The following PCDH15 variants were observed in gnomAD, a reference collection of about 807,000 sequenced individuals.
PCDH15 encodes protocadherin related 15, also known as protocadherin-15.
Under a neutral mutation model 178.5 loss-of-function variants are expected in PCDH15, and 129 were observed. That is an observed-to-expected ratio of 0.72 (90% CI 0.63 to 0.84). The LOEUF (loss-of-function observed/expected upper bound fraction) is 0.84. PCDH15 is among the 40% of genes least tolerant of loss of function. PCDH15 has a pLI of 0.00. For missense variants in PCDH15, 2,230 were observed against 2,099.9 expected (o/e 1.06, Z -1.21); for synonymous variants, 800 against 732.0 (o/e 1.09, Z -1.50).
Position 54,783,265 on chromosome 10 carries a change from A to G in PCDH15, c.-29+17660T>C, listed in dbSNP as rs12219072. ...TATGATCTGAATGAGAAATTCAACA[A>G]AAAGATAGGTATCATGAGAAAAAAT... On this transcript the variant is annotated intron_variant, in intron 1 of 37. Transcript: ENST00000644397. Among the ~76,000 whole-genome samples the G allele has an allele frequency of 8.5e-5, 13 of 152,248 alleles. No homozygotes were observed. The East Asian group carries it at 2.5e-3, about 29-fold the overall frequency.
At chr10:54,965,051 T>C (rs147850048) in intron 2 of PCDH15, among the ~76,000 whole-genome samples, 89 of 152,330 alleles carry the variant, frequency 5.8e-4, no homozygotes, top group African/African-American at 1.8e-3. Flanking sequence ...AAGAGAATAT[T>C]AGCTATAAGC....
chr10:55,151,550 C>T (rs538490246), intron 2 of PCDH15, among the ~76,000 whole-genome samples: 12 of 152,096 alleles, frequency 7.9e-5, no homozygotes, highest in South Asian at 4.1e-4. Flanking sequence ...ATTTAACAGA[C>T]AGGCAAAATA....
At chr10:54,942,919 G>A (rs1426658662) in intron 2 of PCDH15, among the ~76,000 whole-genome samples, 1 of 151,946 alleles carries the variant, frequency 6.6e-6, no homozygotes, top group Non-Finnish European at 1.5e-5. Flanking sequence ...TTATGGCAAT[G>A]CATAATGTGG....
chr10:54,686,040 A>ATTTTTTTTTTTTTTTTTT, intron 1 of PCDH15, among the ~76,000 whole-genome samples: 1 of 81,080 alleles, frequency 1.2e-5, no homozygotes, highest in African/African-American at 4.0e-5. Context: ...CAAGACAGCC[A>ATTTTTTTTTTTTTTTTTT]ATTTTTTTTT....
intron 28 of PCDH15, among the ~76,000 whole-genome samples, chr10:53,849,992 T>G (rs2078253668): frequency 6.6e-6 from 1 of 151,976 alleles, no homozygotes; most frequent in Non-Finnish European, 1.5e-5. Context: ...ACACTAATTA[T>G]TGTGACTTTG....
chr10:53,879,230 C>A (rs74137221), intron 26 of PCDH15, among the ~76,000 whole-genome samples: 3,210 of 151,974 alleles, frequency 0.021, 125 homozygotes, highest in African/African-American at 0.073. Flanking sequence ...AGTCTCATGG[C>A]CAGTAGAATG....
At chr10:55,157,632 A>C (rs71492647) in intron 2 of PCDH15, among the ~76,000 whole-genome samples, 2 of 151,546 alleles carry the variant, frequency 1.3e-5, no homozygotes, top group Non-Finnish European at 2.9e-5. Context: ...GCCATAAAAA[A>C]TGATGAGTTC....
intron 1 of PCDH15, among the ~76,000 whole-genome samples, chr10:54,752,298 A>C (rs1946347332): frequency 6.6e-6 from 1 of 151,488 alleles, no homozygotes; most frequent in African/African-American, 2.4e-5. Flanking sequence ...AACATGGTGA[A>C]ACCCCGTCTC....
At chr10:53,895,369 A>G (rs1434014452) in intron 26 of PCDH15, among the ~76,000 whole-genome samples, 1 of 152,186 alleles carries the variant, frequency 6.6e-6, no homozygotes, top group East Asian at 1.9e-4. Context: ...TTAAGTGTTA[A>G]GTCTTTTTTC....
intron 2 of PCDH15, among the ~76,000 whole-genome samples, chr10:55,577,363 G>A (rs1842516758): frequency 1.3e-5 from 2 of 152,034 alleles, no homozygotes; most frequent in South Asian, 4.1e-4. Flanking sequence ...AAAATTTTTA[G>A]ATCTTTACAT....
At chr10:54,151,499 C>G (rs577008255) in intron 14 of PCDH15, among the ~76,000 whole-genome samples, 1 of 151,870 alleles carries the variant, frequency 6.6e-6, no homozygotes, top group Non-Finnish European at 1.5e-5. Flanking sequence ...GGGATTGTGC[C>G]GCTACACTCT....
chr10:54,242,626 G>T (rs1038035294), intron 8 of PCDH15, among the ~76,000 whole-genome samples: 1 of 152,020 alleles, frequency 6.6e-6, no homozygotes, highest in Non-Finnish European at 1.5e-5. Flanking sequence ...TTAAAAAAAT[G>T]ACATTTCGCA....
intron 2 of PCDH15, chr10:55,166,476 A>T (rs955081696): frequency 6.6e-5 from 10 of 152,194 alleles, no homozygotes; most frequent in African/African-American, 2.4e-4. Context: ...ATTTAATTCC[A>T]TACACAGTTC....
intron 32 of PCDH15, chr10:53,822,589 A>G: frequency 1.2e-6 from 2 of 1,614,014 alleles, no homozygotes; most frequent in Admixed American, 1.7e-5. Flanking sequence ...TCTCTCCTAG[A>G]GAGTGAAGAA....
In PCDH15 at chr10:55,256,344, G is replaced by T. The variant is rs7101293; in HGVS notation, c.-156+63255C>A. On this transcript the variant is annotated intron_variant, in intron 1 of 5. Transcript: ENST00000458638. ...TCTGCATTTCCAACTGAGGTACCGGGTTCATCTCACTGGGGAGTGTCGGAA... is the reference window on the plus strand; with the variant it reads ...TCTGCATTTCCAACTGAGGTACCGGTTTCATCTCACTGGGGAGTGTCGGAA... 5.8e-3 allele frequency among the ~76,000 whole-genome samples: 889 copies of T among 152,258 alleles called. 12 individuals carry two copies. Among genetic ancestry groups the T allele is most frequent in the African/African-American group, 0.02 (835 of 41,558 alleles).
At chr10:54,796,416 C>T (rs936562455) in intron 1 of PCDH15, among the ~76,000 whole-genome samples, 1 of 151,424 alleles carries the variant, frequency 6.6e-6, no homozygotes, top group African/African-American at 2.4e-5. Flanking sequence ...ATCTCTCAGA[C>T]TTTCTGTCTC....
intron 2 of PCDH15, among the ~76,000 whole-genome samples, chr10:55,445,898 T>C (rs1360745): frequency 0.77 from 116,360 of 152,004 alleles, 45,898 homozygotes; most frequent in East Asian, 1. Flanking sequence ...TTGGAAAAAC[T>C]GAATCAGAGA....
chr10:54,553,900 T>A (rs924453898), intron 2 of PCDH15, among the ~76,000 whole-genome samples: 3 of 152,204 alleles, frequency 2.0e-5, no homozygotes, highest in Admixed American at 1.3e-4. Context: ...TGGCTTTGAA[T>A]CACACTAAGT....
intron 2 of PCDH15, among the ~76,000 whole-genome samples, chr10:54,979,698 T>C (rs991751765): frequency 2.0e-5 from 3 of 151,412 alleles, no homozygotes; most frequent in Non-Finnish European, 4.4e-5. Flanking sequence ...CAGAATTTTA[T>C]TTTTATCAAC....
Sources: gnomAD v4.1 joint callset for allele counts (sites outside exome capture counted in the v4.1 genomes callset) on GRCh38, gnomAD v4.1.1 for gene constraint, MANE v1.5 for transcripts, NCBI Gene and HGNC (gene_info 2026-07-23, HGNC 2026-07-21) for gene names.